Variants in PKIB observed in about 807,000 individuals in gnomAD.
PKIB encodes PKI-beta.
PKIB carries 2 observed loss-of-function variants against 4.5 expected under a neutral mutation model. That is an observed-to-expected ratio of 0.44 (90% CI 0.18 to 1.39). The LOEUF is 1.39. PKIB is among the 40% of genes most tolerant of loss of function. The pLI is 0.27. For missense variants in PKIB, 94 were observed against 92.6 expected (o/e 1.02, Z -0.06); for synonymous variants, 38 against 36.0 (o/e 1.06, Z -0.20).
chr6:122,541,810 T>G (rs1041370544), intron 2 of PKIB, among the ~76,000 whole-genome samples: 4 of 152,084 alleles, frequency 2.6e-5, no homozygotes, highest in Middle Eastern at 6.8e-3. Flanking sequence ...CCCGTCATTT[T>G]CAGGTACACC....
intron 3 of PKIB, among the ~76,000 whole-genome samples, chr6:122,591,222 C>A (rs1052820707): frequency 6.7e-6 from 1 of 149,670 alleles, no homozygotes; most frequent in Non-Finnish European, 1.5e-5. Context: ...ACACACACCC[C>A]CCACATACAC....
upstream of PKIB, among the ~76,000 whole-genome samples, chr6:122,609,699 A>T (rs1003214400): frequency 9.8e-5 from 15 of 152,374 alleles, no homozygotes; most frequent in African/African-American, 3.6e-4. Flanking sequence ...AATTAATTTT[A>T]TCAGCAGTAT....
intron 3 of PKIB, among the ~76,000 whole-genome samples, chr6:122,694,145 C>T (rs1480578041): frequency 6.6e-6 from 1 of 152,118 alleles, no homozygotes; most frequent in Non-Finnish European, 1.5e-5. Context: ...TTACCCTCAC[C>T]CCCAAGAGTA....
At chr6:122,533,296 A>G (rs1031147959) in intron 2 of PKIB, among the ~76,000 whole-genome samples, 5 of 151,860 alleles carry the variant, frequency 3.3e-5, no homozygotes, top group African/African-American at 9.7e-5. Context: ...CAGCCTCCCA[A>G]TTAGCTGGGA....
chr6:122,685,617 G>C lies in PKIB; in HGVS notation c.-9+10473G>C, dbSNP rs148830484. On this transcript the variant is annotated intron_variant, in intron 3 of 4. Coordinates refer to ENST00000368452, the MANE Select transcript of PKIB (RefSeq NM_181795.3). Reference sequence around the variant, plus strand: ...ACAGGCATGCATCAGGGTAAATGGGGCATCCATTACCTCAAACATTTATCC... The same window carrying C: ...ACAGGCATGCATCAGGGTAAATGGGCCATCCATTACCTCAAACATTTATCC... 4.3e-4 allele frequency among the ~76,000 whole-genome samples: 66 copies of C among 152,100 alleles called. No homozygotes were observed. The East Asian group carries it at 0.012, about 28-fold the overall frequency.
intron 2 of PKIB, chr6:122,478,921 C>T (rs1442594952): frequency 5.3e-5 from 8 of 152,306 alleles, no homozygotes; most frequent in South Asian, 2.1e-4. Context: ...TTGTGAAGAC[C>T]GTGGGAAAAG....
intron 2 of PKIB, among the ~76,000 whole-genome samples, chr6:122,488,273 T>C (rs962354051): frequency 6.6e-6 from 1 of 152,068 alleles, no homozygotes; most frequent in African/African-American, 2.4e-5. Flanking sequence ...CACATCTCCT[T>C]ATAGATTTCT....
intron 2 of PKIB, among the ~76,000 whole-genome samples, chr6:122,649,726 G>T (rs572473663): frequency 3.9e-5 from 6 of 152,290 alleles, no homozygotes; most frequent in African/African-American, 1.4e-4. Flanking sequence ...GTGGCCCATG[G>T]TGAGGTGTTC....
chr6:122,702,326 C>CT (rs112095053), intron 3 of PKIB, among the ~76,000 whole-genome samples: 39 of 97,224 alleles, frequency 4.0e-4, no homozygotes, highest in African/African-American at 9.7e-4. Flanking sequence ...TTTAAAAAAA[C>CT]TTTTTTTTTT....
rs1345822382 is a variant in PKIB at position 122,576,689 on chromosome 6, A to AAAAAAAATAT, written c.-247-9231_-247-9230insAAAAAATATA. ...ATCTCAAAAAAAAAAAAAAAAAAAAAATATATATATATATATATATATTTT... is the reference window on the plus strand; with the variant it reads ...ATCTCAAAAAAAAAAAAAAAAAAAAAAAAAAAATATATATATATATATATATATATATTTT... On this transcript the variant is annotated intron_variant, in intron 2 of 6. Transcript: ENST00000392491. 3.4e-3 allele frequency among the ~76,000 whole-genome samples: 117 copies of AAAAAAAATAT among 34,286 alleles called. 2 individuals are homozygous for AAAAAAAATAT. Among genetic ancestry groups the AAAAAAAATAT allele is most frequent in the African/African-American group, 3.8e-3 (29 of 7,602 alleles). 22.5% of individuals were successfully genotyped at this position (34,286 alleles called of 152,430 possible).
rs533795886 is a variant in PKIB at position 122,506,992 on chromosome 6, C to T, written c.-248+29053C>T. 2.1e-4 allele frequency among the ~76,000 whole-genome samples: 32 copies of T among 152,146 alleles called. No individual in the cohort carries two copies. The South Asian group carries it at 2.3e-3, about 11-fold the overall frequency. On this transcript the variant is annotated intron_variant, in intron 2 of 6. Coordinates refer to the PKIB transcript ENST00000392491. ...CTGGGATTACAAGCATGAGCCACCG[C>T]GCCCGGCCGTAATTTTTTAAAATTA...
chr6:122,648,681 G>A (rs1378698871), intron 2 of PKIB, among the ~76,000 whole-genome samples: 5 of 152,150 alleles, frequency 3.3e-5, no homozygotes, highest in Non-Finnish European at 7.3e-5. Context: ...CTTTACATGA[G>A]GGAGAGTAAA....
At chr6:122,548,392 C>T (rs1341354267) in intron 2 of PKIB, among the ~76,000 whole-genome samples, 3 of 152,070 alleles carry the variant, frequency 2.0e-5, no homozygotes, top group African/African-American at 4.8e-5. Context: ...AATCTCTTAG[C>T]AAATATTAAA....
intron 2 of PKIB, among the ~76,000 whole-genome samples, chr6:122,519,969 T>C (rs1776885553): frequency 6.6e-6 from 1 of 152,204 alleles, no homozygotes; most frequent in Non-Finnish European, 1.5e-5. Context: ...TCATTTATCA[T>C]GTAGTTTCCC....
intron 3 of PKIB, among the ~76,000 whole-genome samples, chr6:122,715,846 G>A (rs1779469686): frequency 6.6e-6 from 1 of 152,004 alleles, no homozygotes; most frequent in African/African-American, 2.4e-5. Flanking sequence ...ATTTCGTGTT[G>A]CTTTCAGAGT....
chr6:122,641,571 G>A (rs1776122765), intron 2 of PKIB, among the ~76,000 whole-genome samples: 1 of 152,162 alleles, frequency 6.6e-6, no homozygotes, highest in Non-Finnish European at 1.5e-5. Context: ...GAGAGGTGAT[G>A]TGACTTTCTG....
At chr6:122,488,604 AT>A (rs796216015) in intron 2 of PKIB, among the ~76,000 whole-genome samples, 259 of 147,600 alleles carry the variant, frequency 1.8e-3, no homozygotes, top group African/African-American at 6.0e-3. Flanking sequence ...TAATTTTTGT[AT>A]TTTTTTTTTG....
At chr6:122,472,403 C>T (rs1364799468) in intron 1 of PKIB, among the ~76,000 whole-genome samples, 1 of 151,970 alleles carries the variant, frequency 6.6e-6, no homozygotes, top group Admixed American at 6.6e-5. Context: ...AAGAAATTTG[C>T]ACGTTAAAAT....
intron 2 of PKIB, among the ~76,000 whole-genome samples, chr6:122,567,714 T>C (rs1391667104): frequency 6.6e-6 from 1 of 152,174 alleles, no homozygotes; most frequent in Non-Finnish European, 1.5e-5. Flanking sequence ...AAATAATGTA[T>C]ACATGCAAAG....
Sources: allele counts gnomAD v4.1 joint callset (sites outside exome capture counted in the v4.1 genomes callset), GRCh38; gene constraint gnomAD v4.1.1; transcripts MANE v1.5; gene names NCBI Gene and HGNC (gene_info 2026-07-23, HGNC 2026-07-21).